MAGI1: variants seen among roughly 807,000 people sequenced by gnomAD.
The protein encoded by MAGI1 is membrane-associated guanylate kinase, WW and PDZ domain-containing protein 1.
A neutral mutation model predicts 139.9 loss-of-function variants in MAGI1; 58 were observed. The observed-to-expected ratio is 0.41, with a 90% CI of 0.34 to 0.52. The LOEUF (loss-of-function observed/expected upper bound fraction) is 0.52, where lower values mean the gene tolerates loss of function less well. Ranked by LOEUF, MAGI1 falls within the 20% of genes least tolerant of loss-of-function variation. The probability of loss-of-function intolerance (pLI) is 0.12; values close to 1 mark genes in which losing one functional copy is unlikely to be tolerated. For synonymous variants in MAGI1, 812 were observed against 737.9 expected, an observed-to-expected ratio of 1.10 and a Z score of -1.63; for missense variants, 1,874 against 1,901.6, an observed-to-expected ratio of 0.99 and a Z score of 0.27.
intron 1 of MAGI1, among the ~76,000 whole-genome samples, chr3:65,794,468 C>T (rs1480948031): frequency 3.9e-5 from 6 of 152,092 alleles, no homozygotes; most frequent in African/African-American, 7.2e-5. Flanking sequence ...CCACCCATAA[C>T]GCAGCCTCAA....
intron 1 of MAGI1, among the ~76,000 whole-genome samples, chr3:65,813,991 G>A (rs928545354): frequency 2.0e-5 from 3 of 152,088 alleles, no homozygotes; most frequent in African/African-American, 4.8e-5. Context: ...TTATGGGTAC[G>A]GAAATGATGC....
At chr3:65,377,877 C>T (rs1257745890) in intron 17 of MAGI1, among the ~76,000 whole-genome samples, 1 of 152,158 alleles carries the variant, frequency 6.6e-6, no homozygotes, top group Non-Finnish European at 1.5e-5. Flanking sequence ...GGGGAGACAG[C>T]TCCAGCAGGA....
At chr3:65,394,754 T>G (rs1025783828) in intron 13 of MAGI1, among the ~76,000 whole-genome samples, 1 of 152,108 alleles carries the variant, frequency 6.6e-6, no homozygotes, top group Non-Finnish European at 1.5e-5. Flanking sequence ...AGCCCAGAAC[T>G]GTCCAGGAGA....
At chr3:65,531,258 T>C (rs993633293) in intron 2 of MAGI1, among the ~76,000 whole-genome samples, 9 of 152,108 alleles carry the variant, frequency 5.9e-5, no homozygotes, top group African/African-American at 1.9e-4. Context: ...CTCAAATTTA[T>C]AGCTAGGGTT....
At chr3:65,435,817 C>T (rs1394745643) in intron 10 of MAGI1, among the ~76,000 whole-genome samples, 3 of 152,078 alleles carry the variant, frequency 2.0e-5, no homozygotes, top group Admixed American at 1.3e-4. Context: ...GAAAAGACAA[C>T]TGCAAACAGA....
intron 1 of MAGI1, among the ~76,000 whole-genome samples, chr3:65,836,565 A>T (rs1032320612): frequency 2.0e-5 from 3 of 152,074 alleles, no homozygotes; most frequent in Middle Eastern, 3.2e-3. Flanking sequence ...TCACGCCTGT[A>T]ATCTCAGCAC....
intron 1 of MAGI1, among the ~76,000 whole-genome samples, chr3:65,785,395 T>C (rs1052809863): frequency 5.3e-5 from 8 of 152,136 alleles, no homozygotes; most frequent in East Asian, 3.9e-4. Flanking sequence ...TTAAAGACAA[T>C]AGTGTCACCA....
At chr3:65,425,165 A>C (rs1946948604) in intron 12 of MAGI1, among the ~76,000 whole-genome samples, 1 of 148,926 alleles carries the variant, frequency 6.7e-6, no homozygotes, top group Admixed American at 6.7e-5. Context: ...AACATCATAC[A>C]ATCTGTACGG....
chr3:65,527,113 T>A (rs2078422115), intron 2 of MAGI1, among the ~76,000 whole-genome samples: 1 of 152,244 alleles, frequency 6.6e-6, no homozygotes, highest in African/African-American at 2.4e-5. Context: ...CCTAAATCAC[T>A]GCTTTTAGGC....
chr3:65,454,574 C>CA lies in MAGI1; in HGVS notation c.960-1235dup, dbSNP rs1216582157. 6.8e-3 allele frequency among the ~76,000 whole-genome samples: 918 copies of CA among 135,130 alleles called. 9 individuals carry two copies. The highest frequency in any genetic ancestry group is 0.02 in the African/African-American group (708 of 35,796). The allele number at this position is 135,130 out of a possible 152,430, so 88.7% of individuals were successfully genotyped here. A position where few individuals can be genotyped will look rare whatever the true frequency, so the allele number is the denominator to read the frequency against. ...TAATAATAAAAAAATACTTGTTTTACAAAAAAAAAAGAAGTTTTTTTAAAA... is the reference window on the plus strand; with the variant it reads ...TAATAATAAAAAAATACTTGTTTTACAAAAAAAAAAAGAAGTTTTTTTAAAA... On this transcript the variant is annotated intron_variant, in intron 5 of 22. Coordinates refer to ENST00000402939, the MANE Select transcript of MAGI1 (RefSeq NM_001033057.2).
At chr3:66,016,818 A>C (rs1443611315) in intron 1 of MAGI1, among the ~76,000 whole-genome samples, 1 of 152,236 alleles carries the variant, frequency 6.6e-6, no homozygotes, top group Admixed American at 6.5e-5. Context: ...CAGACTTTAG[A>C]AGGAAGGAAA....
chr3:65,684,167 C>CAAAAAA (rs1163089641), intron 1 of MAGI1, among the ~76,000 whole-genome samples: 21 of 79,338 alleles, frequency 2.6e-4, no homozygotes, highest in Non-Finnish European at 2.9e-4. Context: ...GAGACTGTCT[C>CAAAAAA]AAAAAAAAAA....
chr3:65,460,221 T>C (rs1949679531), intron 5 of MAGI1, among the ~76,000 whole-genome samples: 2 of 152,224 alleles, frequency 1.3e-5, no homozygotes, highest in African/African-American at 2.4e-5. Flanking sequence ...TGAGAAAGCC[T>C]TGAAGCACTA....
In MAGI1 at chr3:65,690,525, G is replaced by A. The variant is rs1446356527; in HGVS notation, c.314-68437C>T. Among the ~76,000 whole-genome samples, 3 of 151,954 alleles carry A rather than the reference G, an allele frequency of 2.0e-5. No homozygotes were observed. In the East Asian group the frequency reaches 5.8e-4, roughly 29 times the overall value. The stretch of plus-strand genomic sequence containing the variant: ...ACAGTCTTGCTATGTCACTCAGGCT[G>A]GAGTGCAGTGTCACAATCTCGATTC... On this transcript the variant is annotated intron_variant, in intron 1 of 22. Transcript: ENST00000402939.
intron 2 of MAGI1, among the ~76,000 whole-genome samples, chr3:65,611,102 T>C (rs373104607): frequency 2.9e-5 from 4 of 138,318 alleles, no homozygotes; most frequent in Non-Finnish European, 4.6e-5. Flanking sequence ...ATATAATATA[T>C]AGTATATTAT....
chr3:65,828,280 A>G (rs2042337896), intron 1 of MAGI1, among the ~76,000 whole-genome samples: 1 of 152,218 alleles, frequency 6.6e-6, no homozygotes, highest in African/African-American at 2.4e-5. Flanking sequence ...CCTGGTGAAC[A>G]TCAAGCACCA....
intron 1 of MAGI1, among the ~76,000 whole-genome samples, chr3:65,658,238 T>G (rs1209365424): frequency 1.3e-5 from 2 of 150,456 alleles, no homozygotes; most frequent in African/African-American, 4.8e-5. Context: ...TCCTTTTGGG[T>G]TCTAGAGAAT....
At chr3:65,557,246 C>G (rs1331823490) in intron 2 of MAGI1, among the ~76,000 whole-genome samples, 1 of 152,234 alleles carries the variant, frequency 6.6e-6, no homozygotes, top group Non-Finnish European at 1.5e-5. Flanking sequence ...GTCCCTTCCA[C>G]CTTGGTTCTG....
chr3:65,390,200 T>C (rs1160285432), intron 14 of MAGI1, among the ~76,000 whole-genome samples: 3 of 152,170 alleles, frequency 2.0e-5, no homozygotes, highest in Admixed American at 2.0e-4. Context: ...CAGCTAGGAA[T>C]GAAACCTGTG....
Sources: gnomAD v4.1 joint callset for allele counts (sites outside exome capture counted in the v4.1 genomes callset) on GRCh38, gnomAD v4.1.1 for gene constraint, MANE v1.5 for transcripts, NCBI Gene and HGNC (gene_info 2026-07-23, HGNC 2026-07-21) for gene names.